The following IFT172 variants were observed in gnomAD, a reference collection of about 807,000 sequenced individuals.
The protein encoded by IFT172 is intraflagellar transport 172.
A neutral mutation model predicts 248.9 loss-of-function variants in IFT172; 164 were observed. The observed-to-expected ratio is 0.66, with a 90% CI of 0.58 to 0.75. The LOEUF (loss-of-function observed/expected upper bound fraction) is 0.75, where lower values mean the gene tolerates loss of function less well. Ranked by LOEUF, IFT172 falls within the 30% of genes least tolerant of loss-of-function variation. The probability of loss-of-function intolerance (pLI) is 0.00; values close to 1 mark genes in which losing one functional copy is unlikely to be tolerated. For synonymous variants in IFT172, 729 were observed against 791.6 expected (o/e 0.92, Z 1.33); for missense variants, 1,950 against 2,192.4 (o/e 0.89, Z 2.21).
At chr2:27,453,191 G>C in intron 35 of IFT172, 193 bp downstream of exon 35, 1 of 781,092 alleles carries the variant, frequency 1.3e-6, no homozygotes, top group Non-Finnish European at 2.3e-6. Context: ...GGCTGTCAGG[G>C]CTCTGTCTTA....
intron 18 of IFT172, among the ~76,000 whole-genome samples, chr2:27,464,905 G>A (rs1018334031): frequency 1.3e-4 from 19 of 143,578 alleles, no homozygotes; most frequent in Admixed American, 5.6e-4. Flanking sequence ...GGCATGAGCC[G>A]CCGTGCCCAG....
At chr2:27,469,152 G>C (rs1232000538) in intron 16 of IFT172, among the ~76,000 whole-genome samples, 2 of 152,138 alleles carry the variant, frequency 1.3e-5, no homozygotes, top group Admixed American at 6.5e-5. Flanking sequence ...CCAGCACTTT[G>C]GGAGCCTGAC....
rs777638435 is a variant in IFT172, at chr2:27,477,976, C to T, written c.1167+19G>A. 3 of 1,613,880 alleles carry T rather than the reference C, an allele frequency of 1.9e-6. No homozygotes were observed. Among genetic ancestry groups the T allele is most frequent in the East Asian group, 2.2e-5 (1 of 44,880 alleles). ...CAAGATGCCCTATTCCCCACCCTAC[C>T]CTCAATTTTGGTTCCTACCTCACTA... On this transcript the variant is annotated intron_variant, in intron 11 of 47. Coordinates refer to ENST00000260570, the MANE Select transcript of IFT172 (RefSeq NM_015662.3).
In IFT172 at chr2:27,449,932, G is replaced by A. The variant is rs1050369005; in HGVS notation, c.4050+66C>T. The A allele has an allele frequency of 3.4e-6, 5 of 1,467,964 alleles. No homozygotes were observed. In the African/African-American group the frequency reaches 5.5e-5, roughly 16 times the overall value. 90.9% of individuals were successfully genotyped at this position (1,467,964 alleles called of 1,614,324 possible). ...GCCCACCTCACACACCTTCCTGGGT[G>A]TAGATGTCACCCTTGCACCCATCTC... On this transcript the variant is annotated intron_variant, in intron 36 of 47. Coordinates refer to ENST00000260570, the MANE Select transcript of IFT172 (RefSeq NM_015662.3).
intron 7 of IFT172, among the ~76,000 whole-genome samples, chr2:27,482,611 A>G (rs960764311): frequency 2.0e-5 from 3 of 152,230 alleles, no homozygotes; most frequent in Non-Finnish European, 2.9e-5. Context: ...ACAACACACA[A>G]TTATATAGAG....
intron 4 of IFT172, 79 bp downstream of exon 4, chr2:27,484,148 C>G: frequency 1.3e-6 from 2 of 1,583,600 alleles, no homozygotes; most frequent in Non-Finnish European, 1.7e-6. Flanking sequence ...AGAAATGCAA[C>G]TCCTGGCTGT....
intron 10 of IFT172, 38 bp from the exon 11 acceptor site, chr2:27,478,194 C>T (rs1668107160): frequency 6.2e-7 from 1 of 1,611,676 alleles, no homozygotes; most frequent in African/African-American, 1.3e-5. Context: ...TAGGCTTCCC[C>T]AGCCCAAAAG....
intron 3 of IFT172, 115 bp downstream of exon 3, chr2:27,484,903 C>A: frequency 2.9e-6 from 2 of 699,716 alleles, no homozygotes; most frequent in South Asian, 1.7e-5. Flanking sequence ...AAAGTCTCTG[C>A]CTTCAATGGC....
intron 14 of IFT172, among the ~76,000 whole-genome samples, chr2:27,476,207 A>G (rs1667944541): frequency 6.6e-6 from 1 of 152,102 alleles, no homozygotes; most frequent in Non-Finnish European, 1.5e-5. Context: ...TACTACTCAC[A>G]ATTTGCCAAC....
In IFT172 at chr2:27,454,742, G is replaced by A. The variant is rs1040128562; in HGVS notation, c.3372-82C>T. On this transcript the variant is annotated intron_variant, in intron 30 of 47. Coordinates refer to ENST00000260570, the MANE Select transcript of IFT172 (RefSeq NM_015662.3). The surrounding 1 kb of genome is among the most constrained non-coding windows in gnomAD (Gnocchi z 4.2). The stretch of plus-strand genomic sequence containing the variant: ...AACAAGACAAAACAGAGAAAGGACA[G>A]AGTTGAGGGGAGAAAAAGTGACAGA... 6 of 1,128,148 alleles carry A rather than the reference G, an allele frequency of 5.3e-6. No individual in the cohort carries two copies. Among genetic ancestry groups the A allele is most frequent in the Non-Finnish European group, 7.9e-6 (6 of 760,190 alleles). 69.9% of individuals were successfully genotyped at this position (1,128,148 alleles called of 1,614,324 possible). A position where few individuals can be genotyped will look rare whatever the true frequency, so the allele number is the denominator to read the frequency against.
rs1396061900 is a variant in IFT172, at chr2:27,457,775, G to A, written c.3112-20C>T. The A allele has an allele frequency of 1.5e-5, 24 of 1,613,966 alleles. No individual in the cohort carries two copies. Among genetic ancestry groups the A allele is most frequent in the East Asian group, 2.2e-5 (1 of 44,876 alleles). On this transcript the variant is annotated intron_variant, in intron 28 of 47. Coordinates refer to ENST00000260570, the MANE Select transcript of IFT172 (RefSeq NM_015662.3). ...CAGCTCCTGCAGGAAGGTGAGTCAG[G>A]ATGGAGAGATGGGGAGATGGAGCCT...
Position 27,453,411 on chromosome 2 carries a change from G to A in IFT172, c.3924C>T (p.Ser1308=), listed in dbSNP as rs764778967. 6.8e-6 allele frequency: 11 copies of A among 1,614,056 alleles called. No individual in the cohort carries two copies. Among genetic ancestry groups the A allele is most frequent in the African/African-American group, 5.3e-5 (4 of 74,914 alleles). The change falls in exon 35 of 48, where the codon AGC becomes AGT. Residue 1308 remains serine, a synonymous_variant. Coordinates refer to ENST00000260570, the MANE Select transcript of IFT172 (RefSeq NM_015662.3). ...CYLKVRDSGN[S]GLAEKCWMKA... Reference sequence around the variant, plus strand: ...TCATCCAGCACTTCTCCGCCAGGCCGCTGTTTCCAGAGTCTCGCACTTTGA... The same window carrying A: ...TCATCCAGCACTTCTCCGCCAGGCCACTGTTTCCAGAGTCTCGCACTTTGA...
intron 42 of IFT172, 56 bp downstream of exon 42, chr2:27,447,459 T>C (rs758089667): frequency 9.4e-6 from 15 of 1,593,732 alleles, no homozygotes; most frequent in Non-Finnish European, 1.3e-5. Context: ...TTCAGCTTTA[T>C]ACATTTGCAG....
At chr2:27,464,078 G>A (rs1049905161) in intron 18 of IFT172, among the ~76,000 whole-genome samples, 1 of 152,208 alleles carries the variant, frequency 6.6e-6, no homozygotes, top group Non-Finnish European at 1.5e-5. Flanking sequence ...GTATCAGTGC[G>A]ACTAATTAAG....
At chr2:27,463,311 A>C in intron 18 of IFT172, 130 bp from the exon 19 acceptor site, 1 of 780,452 alleles carries the variant, frequency 1.3e-6, no homozygotes, top group Non-Finnish European at 2.0e-6. Flanking sequence ...GGAGACATAT[A>C]GAGACCAAGG....
rs1200537384 is a variant in IFT172, at chr2:27,454,007, G to A, written c.3686C>T (p.Pro1229Leu). The A allele has an allele frequency of 1.9e-6, 3 of 1,613,584 alleles. No homozygotes were observed. The highest frequency in any genetic ancestry group is 2.5e-6 in the Non-Finnish European group (3 of 1,179,922). ...AEGLLLRAQR[P>L]GLALNYYKEA... ...CTTATAATAATTGAGGGCCAGGCCT[G>A]GTCTCTGGGCCCGGAGCAGCAGCCC... The change falls in exon 33 of 48, where the codon CCA (proline) becomes CTA (leucine). Residue 1229 changes from proline to leucine, a missense_variant. By Grantham distance (98) the Pro-to-Leu change is moderately conservative. Transcript: ENST00000260570. The surrounding 1 kb of genome is among the most constrained non-coding windows in gnomAD (Gnocchi z 4.2).
Position 27,449,481 on chromosome 2 carries a change from T to C in IFT172, c.4224+18A>G, listed in dbSNP as rs1558357298. The C allele has an allele frequency of 6.2e-7, 1 of 1,614,188 alleles. No homozygotes were observed. On this transcript the variant is annotated intron_variant, in intron 38 of 47. Coordinates refer to ENST00000260570, the MANE Select transcript of IFT172 (RefSeq NM_015662.3). ...TCTCTCCCTGCATTCTGCCTCCTGC[T>C]AACTCTCCAAGTCTCACCGAGTCCA...
Position 27,477,306 on chromosome 2 carries a change from G to A in IFT172, c.1236C>T (p.Phe412=), listed in dbSNP as rs768706942. The change falls in exon 13 of 48, where the codon TTC becomes TTT. Residue 412 remains phenylalanine (F), a synonymous_variant. Transcript: ENST00000260570. ...FFENENVCMI[F]NAGELTLVEY... ...CCACCAGGGTTAGCTCTCCGGCATT[G>A]AAGATCATGCATACCTGGGAAAAAT... The A allele has an allele frequency of 1.2e-6, 2 of 1,614,060 alleles. No individual in the cohort carries two copies. The highest frequency in any genetic ancestry group is 1.7e-6 in the Non-Finnish European group (2 of 1,179,934).
At chr2:27,472,901 T>G (rs929982753) in intron 14 of IFT172, among the ~76,000 whole-genome samples, 15 of 152,192 alleles carry the variant, frequency 9.9e-5, no homozygotes, top group African/African-American at 3.6e-4. Flanking sequence ...TAGGGTTGGC[T>G]GGGATGGTTT....
Sources: allele counts gnomAD v4.1 joint callset (sites outside exome capture counted in the v4.1 genomes callset), GRCh38; gene constraint gnomAD v4.1.1; non-coding constraint Gnocchi (gnomAD v3.1); transcripts MANE v1.5; gene names NCBI Gene and HGNC (gene_info 2026-07-23, HGNC 2026-07-21).